The following EML1 variants were observed in gnomAD, a reference collection of about 807,000 sequenced individuals.
EML1 encodes echinoderm microtubule-associated protein-like 1.
A neutral mutation model predicts 110.4 loss-of-function variants in EML1; 27 were observed. The ratio of observed to expected loss-of-function variants is 0.24; its 90% CI spans 0.18 to 0.34. The LOEUF is 0.34. Ranked by LOEUF, EML1 falls within the 10% of genes least tolerant of loss-of-function variation. EML1 has a pLI of 1.00. For synonymous variants in EML1, 344 were observed against 385.8 expected (o/e 0.89, Z 1.27); for missense variants, 741 against 1,030.9 (o/e 0.72, Z 3.85).
In EML1 at chr14:99,939,600, C is replaced by A. The variant is rs2140143303; in HGVS notation, c.2322+273C>A. 6.6e-6 allele frequency among the ~76,000 whole-genome samples: 1 copy of A among 152,318 alleles called. No individual in the cohort carries two copies. The highest frequency in any genetic ancestry group is 1.5e-5 in the Non-Finnish European group (1 of 68,034). On this transcript the variant is annotated intron_variant, in intron 21 of 21. Coordinates refer to ENST00000262233, the MANE Select transcript of EML1 (RefSeq NM_004434.3). The surrounding 1 kb of genome is among the most constrained non-coding windows in gnomAD (Gnocchi z 4.2). ...CTCCCCCACGGCTCCCTTGCTCCGG[C>A]CCTGCTCAGCCGCGCCAGCCCTGAG...
At chr14:99,926,869 G>A (rs554826445) in intron 17 of EML1, among the ~76,000 whole-genome samples, 50 of 151,976 alleles carry the variant, frequency 3.3e-4, no homozygotes, top group Middle Eastern at 6.8e-3. Flanking sequence ...TCAGCCTCCC[G>A]AGTAGCTGGG....
At chr14:99,873,053 G>A (rs2059231306) in intron 3 of EML1, among the ~76,000 whole-genome samples, 1 of 152,142 alleles carries the variant, frequency 6.6e-6, no homozygotes, top group Non-Finnish European at 1.5e-5. Context: ...TTAGGCAAAG[G>A]AAAAAAGGCA....
chr14:99,764,725 C>T (rs1475207422), intron 1 of EML1, among the ~76,000 whole-genome samples: 1 of 152,196 alleles, frequency 6.6e-6, no homozygotes, highest in Non-Finnish European at 1.5e-5. Flanking sequence ...GCAGGGTGGG[C>T]TCCACATGGC....
chr14:99,870,852 C>T (rs962425315), intron 3 of EML1, among the ~76,000 whole-genome samples: 12 of 152,314 alleles, frequency 7.9e-5, no homozygotes, highest in African/African-American at 2.9e-4. Flanking sequence ...CATCCAGGAG[C>T]TCTGATGGAG....
chr14:99,940,225 A>G lies in EML1; in HGVS notation c.*113A>G. 1 of 1,334,780 alleles carries G rather than the reference A, an allele frequency of 7.5e-7. No homozygotes were observed. Among genetic ancestry groups the G allele is most frequent in the Non-Finnish European group, 9.6e-7 (1 of 1,040,542 alleles). The allele number at this position is 1,334,780 out of a possible 1,614,324, so 82.7% of individuals were successfully genotyped here. The stretch of plus-strand genomic sequence containing the variant: ...AAAAATTCTTACAAACCTCAGGAAA[A>G]CTGTGCCCTCCGCCGGCTACCTTAG... On this transcript the variant is annotated 3_prime_UTR_variant, in exon 22 of 22. Coordinates refer to ENST00000262233, the MANE Select transcript of EML1 (RefSeq NM_004434.3).
chr14:99,738,796 C>T lies in EML1; in HGVS notation c.28+936C>T, dbSNP rs1309067144. ...GCTGGCAGCAGGTGGGCACCCTGGG[C>T]AGCAGATGGGCATCCCAGGCAGCCC... On this transcript the variant is annotated intron_variant, in intron 1 of 10. Transcript: ENST00000554479. Among the ~76,000 whole-genome samples the T allele has an allele frequency of 3.3e-5, 5 of 152,336 alleles. No homozygotes were observed. In the East Asian group the frequency reaches 9.7e-4, roughly 29 times the overall value.
At chr14:99,844,660 A>C (rs781320825) in intron 1 of EML1, among the ~76,000 whole-genome samples, 1 of 152,186 alleles carries the variant, frequency 6.6e-6, no homozygotes, top group African/African-American at 2.4e-5. Context: ...GAACATTCCA[A>C]TTACCTTCAA....
chr14:99,809,021 G>GA (rs2058028480), intron 1 of EML1, among the ~76,000 whole-genome samples: 1 of 152,098 alleles, frequency 6.6e-6, no homozygotes, highest in Admixed American at 6.5e-5. Context: ...TAGGTCTCCC[G>GA]AAAAAAACCC....
At chr14:99,845,608 C>A (rs2058694720) in intron 1 of EML1, among the ~76,000 whole-genome samples, 1 of 152,186 alleles carries the variant, frequency 6.6e-6, no homozygotes, top group Non-Finnish European at 1.5e-5. Context: ...ATGCTTAAGA[C>A]ATAGTTTTAA....
chr14:99,797,308 C>G (rs1404694384), intron 1 of EML1, among the ~76,000 whole-genome samples: 2 of 152,136 alleles, frequency 1.3e-5, no homozygotes, highest in Non-Finnish European at 2.9e-5. Context: ...AATTATATTC[C>G]CTTGTGGAGA....
chr14:99,921,573 T>G lies in EML1; in HGVS notation c.1909+696T>G, dbSNP rs141237620. Among the ~76,000 whole-genome samples, 346 of 152,330 alleles carry G rather than the reference T, an allele frequency of 2.3e-3. 2 individuals are homozygous for G. Among genetic ancestry groups the G allele is most frequent in the African/African-American group, 8.0e-3 (332 of 41,568 alleles). On this transcript the variant is annotated intron_variant, in intron 17 of 21. Coordinates refer to ENST00000262233, the MANE Select transcript of EML1 (RefSeq NM_004434.3). ...AAACAGAATGGAATAATGAACCCCA[T>G]GTACTCATCCGCCAGCTTCAATGAT...
chr14:99,840,336 A>G (rs1471938884), intron 1 of EML1, among the ~76,000 whole-genome samples: 2 of 152,340 alleles, frequency 1.3e-5, no homozygotes, highest in South Asian at 2.1e-4. Flanking sequence ...AATACCTGTC[A>G]TTTGGATGGA....
chr14:99,867,443 A>G (rs2059121490), intron 3 of EML1, among the ~76,000 whole-genome samples: 1 of 152,196 alleles, frequency 6.6e-6, no homozygotes, highest in South Asian at 2.1e-4. Context: ...TAGCAATATT[A>G]AGTCTTCCAA....
intron 1 of EML1, among the ~76,000 whole-genome samples, chr14:99,776,551 A>G (rs555902637): frequency 6.6e-6 from 1 of 152,202 alleles, no homozygotes; most frequent in East Asian, 1.9e-4. Flanking sequence ...CAGAATCCCT[A>G]TGATGTACAG....
chr14:99,913,144 T>A (rs2059972771), intron 13 of EML1, among the ~76,000 whole-genome samples: 1 of 125,366 alleles, frequency 8.0e-6, no homozygotes, highest in African/African-American at 3.5e-5. Context: ...ACTTACCATT[T>A]TAAGTTGTAT....
intron 1 of EML1, among the ~76,000 whole-genome samples, chr14:99,738,312 G>A (rs910324932): frequency 5.3e-5 from 8 of 152,220 alleles, no homozygotes; most frequent in African/African-American, 7.2e-5. Flanking sequence ...TCCCTGGTCC[G>A]GCAGCACCAG....
rs532499441 is a variant in EML1, at chr14:99,937,798, G to A, written c.2096-19G>A. On this transcript the variant is annotated intron_variant, in intron 19 of 21. Coordinates refer to ENST00000262233, the MANE Select transcript of EML1 (RefSeq NM_004434.3). ...TGGGGCCTTGGCTTAGATGTTGCCA[G>A]ACTGTTTGCTTTTTGCAGGGGTTCC... The A allele has an allele frequency of 1.9e-6, 3 of 1,612,496 alleles. No individual in the cohort carries two copies. The highest frequency in any genetic ancestry group is 2.7e-5 in the African/African-American group (2 of 74,894).
chr14:99,928,200 G>A (rs1366051150), intron 17 of EML1, among the ~76,000 whole-genome samples: 1 of 39,002 alleles, frequency 2.6e-5, no homozygotes, highest in Non-Finnish European at 5.4e-5. Context: ...GGTGGTGGTG[G>A]TGGTGGTGAT....
chr14:99,790,657 AT>A (rs1256082945), upstream of EML1, among the ~76,000 whole-genome samples: 1 of 152,196 alleles, frequency 6.6e-6, no homozygotes, highest in Non-Finnish European at 1.5e-5. Context: ...GAATAGACAG[AT>A]GGGAAATGAG....
Sources: allele counts gnomAD v4.1 joint callset (sites outside exome capture counted in the v4.1 genomes callset), GRCh38; gene constraint gnomAD v4.1.1; non-coding constraint Gnocchi (gnomAD v3.1); transcripts MANE v1.5; gene names NCBI Gene and HGNC (gene_info 2026-07-23, HGNC 2026-07-21).